Variants in TLCD3B observed in about 807,000 individuals in gnomAD.
The protein encoded by TLCD3B is TLC domain containing 3B.
In TLCD3B, 9 loss-of-function variants were observed where a neutral mutation model predicts 23.0. That is an observed-to-expected ratio of 0.39 (90% CI 0.24 to 0.68). The LOEUF is 0.68. Ranked by LOEUF, TLCD3B falls within the 30% of genes least tolerant of loss-of-function variation. The pLI is 0.44. For synonymous variants in TLCD3B, 161 were observed against 161.0 expected (o/e 1.00, Z 0.00); for missense variants, 307 against 371.8 (o/e 0.83, Z 1.43).
chr16:30,031,421 G>C (rs1164142568), upstream of TLCD3B, among the ~76,000 whole-genome samples: 1 of 152,156 alleles, frequency 6.6e-6, no homozygotes, highest in Non-Finnish European at 1.5e-5. Context: ...AGGGGGCCCA[G>C]GGCTCCTTGG....
At chr16:30,038,850 A>G (rs1045283866) in intron 3 of TLCD3B, among the ~76,000 whole-genome samples, 2 of 152,166 alleles carry the variant, frequency 1.3e-5, no homozygotes, top group African/African-American at 4.8e-5. Flanking sequence ...TTTACAGATC[A>G]GAAAACAGAG....
In TLCD3B at chr16:30,029,795, G is replaced by A. The variant is rs1024684095; in HGVS notation, c.126-280C>T. Reference sequence around the variant, plus strand: ...ACTGAGTCTCCCTCTTCTCAAGCCCGCAGGGTGTCTGTCCTGAGGTGAGAC... The same window carrying A: ...ACTGAGTCTCCCTCTTCTCAAGCCCACAGGGTGTCTGTCCTGAGGTGAGAC... On this transcript the variant is annotated intron_variant, in intron 1 of 4. Coordinates refer to ENST00000380495, the MANE Select transcript of TLCD3B (RefSeq NM_031478.6). This position sits in a 1 kb window ranked among gnomAD's most constrained non-coding sequence, Gnocchi z 4.6. 1.3e-5 allele frequency among the ~76,000 whole-genome samples: 2 copies of A among 152,148 alleles called. No homozygotes were observed. The highest frequency in any genetic ancestry group is 2.9e-5 in the Non-Finnish European group (2 of 68,020).
chr16:30,040,145 A>ATATATATAT (rs1326659039), intron 3 of TLCD3B, among the ~76,000 whole-genome samples: 2 of 89,468 alleles, frequency 2.2e-5, no homozygotes, highest in African/African-American at 8.0e-5. Flanking sequence ...AAAAAAAAAA[A>ATATATATAT]AAATATATAT....
Position 30,049,123 on chromosome 16 carries a change from A to C in TLCD3B, c.-293-2736T>G, listed in dbSNP as rs144123594. Among the ~76,000 whole-genome samples the C allele has an allele frequency of 8.6e-4, 131 of 152,188 alleles. 1 individual carries two copies. The highest frequency in any genetic ancestry group is 1.1e-3 in the Non-Finnish European group (76 of 68,010). ...TGGGCCATTATTATTTCCAACCTAT[A>C]AGATGGAAGTAATTGTTTCTGCCAC... On this transcript the variant is annotated intron_variant, in intron 1 of 6. Transcript: ENST00000561666.
chr16:30,043,738 C>T (rs1241494759), intron 2 of TLCD3B, among the ~76,000 whole-genome samples: 1 of 151,392 alleles, frequency 6.6e-6, no homozygotes, highest in Non-Finnish European at 1.5e-5. Context: ...GGCTGGAATG[C>T]AGTGGTGCCA....
chr16:30,024,458 G>T lies in TLCD3B; in HGVS notation c.*725C>A. 1 of 625,490 alleles carries T rather than the reference G, an allele frequency of 1.6e-6. No individual in the cohort carries two copies. Among genetic ancestry groups the T allele is most frequent in the Non-Finnish European group, 2.7e-6 (1 of 364,330 alleles). The allele number at this position is 625,490 out of a possible 1,614,324, so 38.7% of individuals were successfully genotyped here. The stretch of plus-strand genomic sequence containing the variant: ...TCACGCAGATCGTCTTTTATTAGCG[G>T]TCTGTAAAGCACCTCCCAGGGTCCC... On this transcript the variant is annotated 3_prime_UTR_variant, in exon 5 of 5. Transcript: ENST00000380495.
chr16:30,027,835 G>C (rs1463570198), intron 2 of TLCD3B: 3 of 354,362 alleles, frequency 8.5e-6, no homozygotes, highest in Non-Finnish European at 1.7e-5. Flanking sequence ...CCCACAAGGG[G>C]TGGAGGGATG....
chr16:30,040,147 A>AAATATATATATAT lies in TLCD3B; in HGVS notation c.-67+847_-67+848insATATATATATATT. Among the ~76,000 whole-genome samples the AAATATATATATAT allele has an allele frequency of 2.1e-5, 2 of 95,898 alleles. 1 individual carries two copies. Among genetic ancestry groups the AAATATATATATAT allele is most frequent in the African/African-American group, 8.7e-5 (2 of 23,040 alleles). The allele number at this position is 95,898 out of a possible 152,430, so 62.9% of individuals were successfully genotyped here. ...AGACTTTGTCTCAAAAAAAAAAAAA[A>AAATATATATATAT]ATATATATATATATATATATATATG... On this transcript the variant is annotated intron_variant, in intron 3 of 6. Coordinates refer to the TLCD3B transcript ENST00000561666.
Position 30,029,931 on chromosome 16 carries a change from C to T in TLCD3B, c.126-416G>A. On this transcript the variant is annotated intron_variant, in intron 1 of 4. Transcript: ENST00000380495. The surrounding 1 kb of genome is among the most constrained non-coding windows in gnomAD (Gnocchi z 4.6). ...AGGCCTCACTCTGGACCCTTTGTGA[C>T]CCCGAGTTCCCCAGTCACTTTCCCA... 1.1e-6 allele frequency: 1 copy of T among 923,254 alleles called. No homozygotes were observed. Among genetic ancestry groups the T allele is most frequent in the Non-Finnish European group, 1.6e-6 (1 of 644,212 alleles). The allele number at this position is 923,254 out of a possible 1,614,324, so 57.2% of individuals were successfully genotyped here. A position where few individuals can be genotyped will look rare whatever the true frequency, so the allele number is the denominator to read the frequency against.
chr16:30,046,609 C>G (rs1049936018), intron 1 of TLCD3B: 1 of 152,242 alleles, frequency 6.6e-6, no homozygotes, highest in African/African-American at 2.4e-5. Context: ...CAGTCCCACC[C>G]TCTATCTGCA....
At chr16:30,040,883 A>G (rs1190100736) in intron 3 of TLCD3B, 3 of 151,660 alleles carry the variant, frequency 2.0e-5, no homozygotes, top group Non-Finnish European at 2.9e-5. Context: ...CTGGTCTTCA[A>G]CTCCTGGGCT....
At chr16:30,035,348 T>TA (rs1286423356), upstream of TLCD3B, 1 of 1,289,480 alleles carries the variant, frequency 7.8e-7, no homozygotes, top group Non-Finnish European at 1.0e-6. Flanking sequence ...CTGGTCCTCT[T>TA]ACTTGGATGC....
In TLCD3B at chr16:30,037,706, C is replaced by G. The variant is rs1446490631; in HGVS notation, c.-66-1492G>C. On this transcript the variant is annotated intron_variant, in intron 3 of 6. Transcript: ENST00000561666. ...GAGCTATGATCATACCACTGCACTC[C>G]ATCCTGGGCAACAGAGTAAGACCCT... Among the ~76,000 whole-genome samples, 3 of 150,432 alleles carry G rather than the reference C, an allele frequency of 2.0e-5. No homozygotes were observed. In the East Asian group the frequency reaches 5.8e-4, roughly 29 times the overall value.
At chr16:30,043,343 C>T (rs2071607338) in intron 2 of TLCD3B, among the ~76,000 whole-genome samples, 1 of 152,120 alleles carries the variant, frequency 6.6e-6, no homozygotes, top group African/African-American at 2.4e-5. Context: ...CCTGCCTCAG[C>T]CTCCCAAGTG....
intron 1 of TLCD3B, among the ~76,000 whole-genome samples, chr16:30,051,521 C>CA (rs199594296): frequency 0.073 from 4,537 of 62,316 alleles, 245 homozygotes; most frequent in East Asian, 0.32. Context: ...AACTCCGTTT[C>CA]AAAAAAAAAA....
upstream of TLCD3B, among the ~76,000 whole-genome samples, chr16:30,035,730 A>T (rs1339610451): frequency 6.6e-6 from 1 of 151,412 alleles, no homozygotes; most frequent in Non-Finnish European, 1.5e-5. Context: ...CACTCAATTT[A>T]GACAATTTCT....
chr16:30,044,254 T>G (rs750017796), intron 2 of TLCD3B, among the ~76,000 whole-genome samples: 8 of 149,984 alleles, frequency 5.3e-5, no homozygotes, highest in South Asian at 4.3e-4. Context: ...GCCTCACACC[T>G]CCCAGAGTGC....
upstream of TLCD3B, among the ~76,000 whole-genome samples, chr16:30,032,482 A>G (rs1272751531): frequency 6.6e-6 from 1 of 152,070 alleles, no homozygotes; most frequent in Non-Finnish European, 1.5e-5. Flanking sequence ...TAGAGACAAT[A>G]GCGGACCTAG....
At chr16:30,026,364 G>A (rs184439978) in intron 3 of TLCD3B, among the ~76,000 whole-genome samples, 8 of 152,262 alleles carry the variant, frequency 5.3e-5, no homozygotes, top group East Asian at 1.9e-4. Context: ...GCTCAGAGAC[G>A]TGCAACCACA....
Sources: gnomAD v4.1 joint callset for allele counts (sites outside exome capture counted in the v4.1 genomes callset) on GRCh38, gnomAD v4.1.1 for gene constraint, Gnocchi (gnomAD v3.1) non-coding constraint, MANE v1.5 for transcripts, NCBI Gene and HGNC (gene_info 2026-07-23, HGNC 2026-07-21) for gene names.